The following CSMD1 variants were observed in gnomAD, a reference collection of about 807,000 sequenced individuals.
The protein encoded by CSMD1 is CUB and Sushi multiple domains 1, also known as CUB and sushi domain-containing protein 1.
Under a neutral mutation model 417.5 loss-of-function variants are expected in CSMD1, and 213 were observed. That is an observed-to-expected ratio of 0.51 (90% confidence interval 0.46 to 0.57). The LOEUF (loss-of-function observed/expected upper bound fraction) is 0.57, where lower values mean the gene tolerates loss of function less well. Among genes scored for constraint, CSMD1 ranks in the 20% least tolerant of loss-of-function variants. The pLI is 0.00. For synonymous variants in CSMD1, 2,862 were observed against 1,736.8 expected, an observed-to-expected ratio of 1.65 and a Z score of -16.11; for missense variants, 6,923 against 4,529.7, an observed-to-expected ratio of 1.53 and a Z score of -15.17.
At chr8:4,171,807 G>C (rs1010315383) in intron 3 of CSMD1, among the ~76,000 whole-genome samples, 90 of 151,972 alleles carry the variant, frequency 5.9e-4, no homozygotes, top group African/African-American at 2.2e-3. Context: ...TCATTCATTA[G>C]ACAAATCATC....
chr8:4,646,319 T>G (rs772751800), intron 1 of CSMD1, among the ~76,000 whole-genome samples: 3 of 152,228 alleles, frequency 2.0e-5, no homozygotes, highest in Non-Finnish European at 4.4e-5. Context: ...CACTTCATCT[T>G]GGGTCAGTAG....
At chr8:4,435,864 G>A (rs1001444577) in intron 2 of CSMD1, among the ~76,000 whole-genome samples, 3 of 152,180 alleles carry the variant, frequency 2.0e-5, no homozygotes, top group Non-Finnish European at 4.4e-5. Context: ...CAAGTATTAG[G>A]ACTGTGTGAC....
intron 1 of CSMD1, among the ~76,000 whole-genome samples, chr8:4,906,220 T>C (rs1805266036): frequency 6.6e-6 from 1 of 152,210 alleles, no homozygotes; most frequent in South Asian, 2.1e-4. Context: ...AAGAAACTAT[T>C]TGCTGTCTAA....
In CSMD1 at chr8:3,091,458, A is replaced by C. The variant is rs374902258; in HGVS notation, c.7285+58T>G. 200 of 1,318,180 alleles carry C rather than the reference A, an allele frequency of 1.5e-4. No individual in the cohort carries two copies. The African/African-American group carries it at 2.5e-3, about 17-fold the overall frequency. The allele number at this position is 1,318,180 out of a possible 1,614,324, so 81.7% of individuals were successfully genotyped here. A position where few individuals can be genotyped will look rare whatever the true frequency, so the allele number is the denominator to read the frequency against. On this transcript the variant is annotated intron_variant, in intron 48 of 69. Coordinates refer to ENST00000635120, the MANE Select transcript of CSMD1 (RefSeq NM_033225.6). ...AATTTCTATTTAAATTGTTTTATTC[A>C]ATGAAAATCACCTGTTTTAAAATAC...
At chr8:3,175,559 C>T (rs112964723) in intron 37 of CSMD1, among the ~76,000 whole-genome samples, 1,893 of 145,424 alleles carry the variant, frequency 0.013, 21 homozygotes, top group South Asian at 0.021. Flanking sequence ...CTCTCTCCCT[C>T]CCTGCCTTCC....
chr8:3,502,443 G>A (rs1054383420), intron 10 of CSMD1, among the ~76,000 whole-genome samples: 4 of 150,590 alleles, frequency 2.7e-5, no homozygotes, highest in African/African-American at 4.9e-5. Flanking sequence ...ATTCATAATC[G>A]CCAAAATTAG....
chr8:4,039,465 C>A (rs563553980), intron 3 of CSMD1, among the ~76,000 whole-genome samples: 16 of 152,286 alleles, frequency 1.1e-4, no homozygotes, highest in South Asian at 1.0e-3. Flanking sequence ...CCTTACATTT[C>A]TTCTCTTTAC....
chr8:3,250,530 G>T (rs1322521984), intron 26 of CSMD1, among the ~76,000 whole-genome samples: 4 of 152,106 alleles, frequency 2.6e-5, no homozygotes, highest in Non-Finnish European at 4.4e-5. Flanking sequence ...CGTATGAATG[G>T]GTCTTTATAG....
chr8:3,958,638 G>C (rs551604972), intron 5 of CSMD1, among the ~76,000 whole-genome samples: 51 of 152,188 alleles, frequency 3.4e-4, no homozygotes, highest in Admixed American at 6.5e-4. Context: ...ACCACATATT[G>C]TAAAATACAA....
intron 3 of CSMD1, among the ~76,000 whole-genome samples, chr8:4,206,723 T>C (rs972556736): frequency 4.6e-5 from 7 of 152,192 alleles, no homozygotes; most frequent in African/African-American, 1.7e-4. Flanking sequence ...CTGGGTCAAA[T>C]AGTATTTCTA....
At chr8:4,046,550 G>C (rs1199899412) in intron 3 of CSMD1, among the ~76,000 whole-genome samples, 1 of 152,182 alleles carries the variant, frequency 6.6e-6, no homozygotes, top group Non-Finnish European at 1.5e-5. Flanking sequence ...TCTGTACATA[G>C]TATAACTGTG....
chr8:3,203,669 G>C (rs1040073747), intron 31 of CSMD1, among the ~76,000 whole-genome samples: 13 of 152,144 alleles, frequency 8.5e-5, no homozygotes, highest in Admixed American at 2.6e-4. Flanking sequence ...GATCTCAAAG[G>C]CCACCCTGAA....
chr8:3,807,713 G>A (rs1365961499), intron 5 of CSMD1, among the ~76,000 whole-genome samples: 3 of 152,034 alleles, frequency 2.0e-5, no homozygotes, highest in African/African-American at 7.2e-5. Context: ...AGCTATAAGG[G>A]ATCCTAATGT....
intron 5 of CSMD1, among the ~76,000 whole-genome samples, chr8:3,758,839 T>A (rs1365718106): frequency 6.6e-6 from 1 of 152,064 alleles, no homozygotes; most frequent in Non-Finnish European, 1.5e-5. Flanking sequence ...ATGGGGAGAT[T>A]ATACTAGATT....
intron 39 of CSMD1, among the ~76,000 whole-genome samples, chr8:3,154,721 A>C (rs568451743): frequency 1.3e-5 from 2 of 152,308 alleles, no homozygotes; most frequent in South Asian, 4.1e-4. Context: ...AAATATTCAA[A>C]ACAGTCAATA....
intron 16 of CSMD1, among the ~76,000 whole-genome samples, chr8:3,397,582 C>T (rs1389640184): frequency 6.6e-6 from 1 of 152,202 alleles, no homozygotes; most frequent in Non-Finnish European, 1.5e-5. Flanking sequence ...ATAGTGCCAA[C>T]TTTGTCTTAT....
chr8:3,211,329 G>A (rs1204051092), intron 30 of CSMD1, among the ~76,000 whole-genome samples: 1 of 152,212 alleles, frequency 6.6e-6, no homozygotes, highest in Non-Finnish European at 1.5e-5. Flanking sequence ...ACAGGCATGA[G>A]CAGCTTTGTC....
At chr8:4,754,645 A>T (rs1258048501) in intron 1 of CSMD1, among the ~76,000 whole-genome samples, 2 of 151,436 alleles carry the variant, frequency 1.3e-5, no homozygotes, top group Non-Finnish European at 2.9e-5. Context: ...AGGTCAGGAG[A>T]TCGAGACAAT....
At chr8:4,176,277 G>C (rs11136704) in intron 3 of CSMD1, among the ~76,000 whole-genome samples, 118,516 of 151,900 alleles carry the variant, frequency 0.78, 46,341 homozygotes, top group South Asian at 0.89. Context: ...CAAAAAATGA[G>C]AACAAAATTC....
Sources: gnomAD v4.1 joint callset for allele counts (sites outside exome capture counted in the v4.1 genomes callset) on GRCh38, gnomAD v4.1.1 for gene constraint, MANE v1.5 for transcripts, NCBI Gene and HGNC (gene_info 2026-07-23, HGNC 2026-07-21) for gene names.